The following LEKR1 variants were observed in gnomAD, a reference collection of about 807,000 sequenced individuals.
LEKR1 encodes leucine, glutamate and lysine rich 1, also known as protein LEKR1.
A neutral mutation model predicts 72.4 loss-of-function variants in LEKR1; 59 were observed. The observed-to-expected ratio is 0.82, with a 90% CI of 0.66 to 1.01. The LOEUF (loss-of-function observed/expected upper bound fraction) is 1.01, where lower values mean the gene tolerates loss of function less well. Ranked by LOEUF, LEKR1 falls within the 50% of genes least tolerant of loss-of-function variation. The probability of loss-of-function intolerance (pLI) is 0.00; values close to 1 mark genes in which losing one functional copy is unlikely to be tolerated. For synonymous variants in LEKR1, 257 were observed against 263.2 expected, an observed-to-expected ratio of 0.98 and a Z score of 0.23; for missense variants, 728 against 759.2, an observed-to-expected ratio of 0.96 and a Z score of 0.48.
intron 7 of LEKR1, among the ~76,000 whole-genome samples, chr3:156,990,554 TC>T (rs1418207889): frequency 2.0e-5 from 3 of 152,198 alleles, no homozygotes; most frequent in Non-Finnish European, 4.4e-5. Flanking sequence ...CAGATCATCC[TC>T]CCCATTTACT....
At chr3:156,961,418 A>G (rs375300815) in intron 6 of LEKR1, among the ~76,000 whole-genome samples, 1 of 152,178 alleles carries the variant, frequency 6.6e-6, no homozygotes, top group South Asian at 2.1e-4. Context: ...GTGGCCATCA[A>G]CAGCCACTCC....
intron 9 of LEKR1, among the ~76,000 whole-genome samples, chr3:157,001,734 G>A (rs1732031722): frequency 6.6e-6 from 1 of 152,168 alleles, no homozygotes; most frequent in African/African-American, 2.4e-5. Flanking sequence ...GCTGGCATAA[G>A]CTTGAGTTAG....
At chr3:156,991,987 T>C (rs978535000) in intron 7 of LEKR1, among the ~76,000 whole-genome samples, 3 of 152,216 alleles carry the variant, frequency 2.0e-5, no homozygotes, top group Non-Finnish European at 4.4e-5. Flanking sequence ...GAAGTGGTGT[T>C]GCTTCACCTC....
chr3:157,034,525 C>G (rs1734831024), intron 12 of LEKR1, among the ~76,000 whole-genome samples: 1 of 152,122 alleles, frequency 6.6e-6, no homozygotes. Flanking sequence ...CAAACTTGAA[C>G]ATATAAAAAG....
chr3:156,845,691 C>T (rs1714502988), intron 2 of LEKR1, among the ~76,000 whole-genome samples: 1 of 152,042 alleles, frequency 6.6e-6, no homozygotes, highest in South Asian at 2.1e-4. Flanking sequence ...ATCTATGTGT[C>T]CTTCCTTCTG....
chr3:156,969,256 A>G (rs940465554), intron 6 of LEKR1, among the ~76,000 whole-genome samples: 1 of 152,240 alleles, frequency 6.6e-6, no homozygotes, highest in African/African-American at 2.4e-5. Flanking sequence ...AGCTAGCAGA[A>G]GGCAAGAAAT....
intron 7 of LEKR1, among the ~76,000 whole-genome samples, chr3:156,985,557 AG>A (rs1730599572): frequency 6.6e-6 from 1 of 152,170 alleles, no homozygotes; most frequent in African/African-American, 2.4e-5. Flanking sequence ...TTTTGAGGCC[AG>A]GCGTAGTGGC....
intron 3 of LEKR1, among the ~76,000 whole-genome samples, chr3:156,899,798 G>T: frequency 7.0e-6 from 1 of 143,400 alleles, no homozygotes; most frequent in Non-Finnish European, 1.5e-5. Flanking sequence ...ATATATACAT[G>T]TATATATACA....
intron 2 of LEKR1, among the ~76,000 whole-genome samples, chr3:156,849,285 A>T (rs990801939): frequency 2.0e-5 from 3 of 152,252 alleles, no homozygotes; most frequent in African/African-American, 7.2e-5. Flanking sequence ...AGAACATTTC[A>T]TGCTCATGGG....
chr3:156,947,360 A>G (rs554492434), intron 6 of LEKR1, among the ~76,000 whole-genome samples: 1 of 151,282 alleles, frequency 6.6e-6, no homozygotes, highest in East Asian at 1.9e-4. Flanking sequence ...TAAATAATTT[A>G]TCCTTTTCTC....
intron 12 of LEKR1, among the ~76,000 whole-genome samples, chr3:157,041,352 C>T (rs1390859589): frequency 1.3e-5 from 2 of 152,138 alleles, no homozygotes; most frequent in African/African-American, 4.8e-5. Context: ...GGCTGTTTTC[C>T]ACAAAGCTGG....
At chr3:156,862,672 T>C (rs1323361975) in intron 3 of LEKR1, among the ~76,000 whole-genome samples, 1 of 152,122 alleles carries the variant, frequency 6.6e-6, no homozygotes, top group Non-Finnish European at 1.5e-5. Context: ...CATACCTAAC[T>C]TGGATATCTA....
chr3:156,852,440 A>T (rs1314079484), intron 2 of LEKR1, among the ~76,000 whole-genome samples: 1 of 152,210 alleles, frequency 6.6e-6, no homozygotes. Context: ...TGGAAAATTC[A>T]TCTTAAAACC....
intron 2 of LEKR1, among the ~76,000 whole-genome samples, chr3:156,831,576 C>T (rs1342647608): frequency 1.3e-5 from 2 of 152,188 alleles, no homozygotes; most frequent in East Asian, 3.8e-4. Flanking sequence ...CACAGTTCCA[C>T]ATGGCTGGGG....
chr3:156,957,140 A>G (rs1197824853), intron 6 of LEKR1, among the ~76,000 whole-genome samples: 1 of 152,088 alleles, frequency 6.6e-6, no homozygotes, highest in Non-Finnish European at 1.5e-5. Flanking sequence ...AATAGTGAAT[A>G]ATTAGAACTA....
At chr3:157,029,162 G>C (rs550850986) in intron 12 of LEKR1, among the ~76,000 whole-genome samples, 1 of 152,276 alleles carries the variant, frequency 6.6e-6, no homozygotes, top group South Asian at 2.1e-4. Flanking sequence ...TAAAAGGAAA[G>C]TGCTAACAGC....
intron 10 of LEKR1, among the ~76,000 whole-genome samples, chr3:157,013,616 A>G (rs1222178313): frequency 2.0e-5 from 3 of 152,226 alleles, no homozygotes; most frequent in Admixed American, 1.3e-4. Context: ...AAAGGGCACG[A>G]CTTCTTGTTA....
intron 12 of LEKR1, among the ~76,000 whole-genome samples, chr3:157,037,603 G>A (rs1379439071): frequency 1.3e-5 from 2 of 152,134 alleles, no homozygotes; most frequent in Admixed American, 6.5e-5. Flanking sequence ...CCAAGTCTAA[G>A]TGCAAGGAGA....
intron 6 of LEKR1, among the ~76,000 whole-genome samples, chr3:156,975,120 A>C (rs1273749337): frequency 1.3e-5 from 2 of 152,208 alleles, no homozygotes; most frequent in East Asian, 3.8e-4. Flanking sequence ...ACAGATAATG[A>C]AACTGGAGTT....
Sources: allele counts gnomAD v4.1 joint callset (sites outside exome capture counted in the v4.1 genomes callset), GRCh38; gene constraint gnomAD v4.1.1; transcripts MANE v1.5; gene names NCBI Gene and HGNC (gene_info 2026-07-23, HGNC 2026-07-21).